The following PROZ variants were observed in gnomAD, a reference collection of about 807,000 sequenced individuals.
PROZ encodes the protein vitamin K-dependent protein Z.
In PROZ, 46 loss-of-function variants were observed where a neutral mutation model predicts 34.9. The ratio of observed to expected loss-of-function variants is 1.32; its 90% CI spans 1.04 to 1.69. PROZ has a LOEUF of 1.69. Ranked by LOEUF, PROZ falls within the 40% of genes most tolerant of loss-of-function variation. The probability of loss-of-function intolerance (pLI) is 0.00; values close to 1 mark genes in which losing one functional copy is unlikely to be tolerated. For synonymous variants in PROZ, 195 were observed against 208.5 expected (o/e 0.94, Z 0.56); for missense variants, 530 against 520.4 (o/e 1.02, Z -0.18).
At chr13:113,165,007 T>C in intron 5 of PROZ, 46 bp from the exon 6 acceptor site, 1 of 1,579,954 alleles carries the variant, frequency 6.3e-7, no homozygotes, top group South Asian at 1.1e-5. Flanking sequence ...CGATATTCGC[T>C]GAGAAGGCGC....
chr13:113,164,879 G>T, intron 5 of PROZ, 174 bp from the exon 6 acceptor site: 2 of 944,222 alleles, frequency 2.1e-6, no homozygotes, highest in South Asian at 2.9e-5. Context: ...GTGAGGGGTG[G>T]TTTAACTCCA....
At chr13:113,165,463 A>G (rs1029588855) in intron 6 of PROZ, among the ~76,000 whole-genome samples, 1 of 152,036 alleles carries the variant, frequency 6.6e-6, no homozygotes, top group Non-Finnish European at 1.5e-5. Context: ...AAATTTCTCT[A>G]GTTTGGCATT....
chr13:113,163,070 G>C lies in PROZ; in HGVS notation c.321G>C (p.Trp107Cys), dbSNP rs1231180296. Residue 107 changes from tryptophan to cysteine, a missense_variant, in exon 4 of 8, where the codon TGG (tryptophan) becomes TGC (cysteine). Trp to Cys is a radical substitution (Grantham distance 215, BLOSUM62 -2). Transcript: ENST00000375547. ...ACGGCTCTTGCCAGGACAGCATCTG[G>C]GGCTACACCTGCACCTGCTCCCCCG... is the stretch of plus-strand genomic sequence containing the variant. The part of the protein sequence containing the change: ...LHNGSCQDSI[W>C]GYTCTCSPGY... 1 of 1,562,974 alleles carries C rather than the reference G, an allele frequency of 6.4e-7. No homozygotes were observed. The highest frequency in any genetic ancestry group is 2.4e-5 in the East Asian group (1 of 41,878).
chr13:113,161,536 G>T (rs1238179693), intron 3 of PROZ, among the ~76,000 whole-genome samples: 1 of 152,180 alleles, frequency 6.6e-6, no homozygotes, highest in African/African-American at 2.4e-5. Context: ...CAAGCACGGG[G>T]ACAACTGGGC....
At chr13:113,166,265 T>C (rs970168432) in intron 6 of PROZ, 2 of 152,248 alleles carry the variant, frequency 1.3e-5, no homozygotes, top group Non-Finnish European at 2.9e-5. Flanking sequence ...TATTTCCCCA[T>C]GTAATGAATA....
At position 113,159,183 on chromosome 13, in the gene PROZ, A is replaced by G. The variant is rs1316563994; in HGVS notation, c.70+453A>G. The G allele has an allele frequency of 6.6e-7, 1 of 1,511,164 alleles. No homozygotes were observed. Among genetic ancestry groups the G allele is most frequent in the African/African-American group, 1.4e-5 (1 of 72,046 alleles). The allele number at this position is 1,511,164 out of a possible 1,614,324, so 93.6% of individuals were successfully genotyped here. A position where few individuals can be genotyped will look rare whatever the true frequency, so the allele number is the denominator to read the frequency against. ...GGAGCAGCCACCCTGCCTGCCTGCC[A>G]CCCTTCTACCACCAGCCACTTCACT... On this transcript the variant is annotated intron_variant, in intron 1 of 7. Coordinates refer to ENST00000375547, the MANE Select transcript of PROZ (RefSeq NM_003891.3). This position sits in a 1 kb window ranked among gnomAD's most constrained non-coding sequence, Gnocchi z 4.6.
At chr13:113,169,057 C>T (rs2037032702) in intron 6 of PROZ, among the ~76,000 whole-genome samples, 1 of 152,122 alleles carries the variant, frequency 6.6e-6, no homozygotes, top group Non-Finnish European at 1.5e-5. Flanking sequence ...TTTCTCTCCT[C>T]CTTCTCCCTG....
intron 5 of PROZ, 81 bp from the exon 6 acceptor site, chr13:113,164,972 A>G (rs2036879746): frequency 7.3e-7 from 1 of 1,365,404 alleles, no homozygotes; most frequent in Non-Finnish European, 1.0e-6. Context: ...GGAATTATGC[A>G]ACGGTTAACA....
In PROZ at chr13:113,171,928, G is replaced by C; in HGVS notation, c.1026G>C (p.Glu342Asp). Residue 342 changes from glutamate to aspartate, a missense_variant, in exon 8 of 8, where the codon GAG (glutamate) becomes GAC (aspartate). By Grantham distance (45) the Glu-to-Asp change is conservative. Coordinates refer to ENST00000375547, the MANE Select transcript of PROZ (RefSeq NM_003891.3). This position sits in a 1 kb window ranked among gnomAD's most constrained non-coding sequence, Gnocchi z 5.1. The stretch of plus-strand genomic sequence containing the variant: ...CTGTCACCACCAGGACCTACTGTGA[G>C]AGAAGCAGCGTGGCGGCCATGCACT... The part of the protein sequence containing the change: ...NVTVTTRTYC[E>D]RSSVAAMHWM... 6.2e-7 allele frequency: 1 copy of C among 1,613,790 alleles called. No homozygotes were observed. Among genetic ancestry groups the C allele is most frequent in the Non-Finnish European group, 8.5e-7 (1 of 1,180,032 alleles).
At chr13:113,170,336 C>G (rs919756213) in intron 6 of PROZ, 77 bp from the exon 7 acceptor site, 4 of 884,926 alleles carry the variant, frequency 4.5e-6, no homozygotes, top group Non-Finnish European at 5.8e-6. Context: ...TGGTCCATAT[C>G]CCTATCCAGT....
In PROZ at chr13:113,171,754, GAA is replaced by G; in HGVS notation, c.854_855del (p.Lys285ArgfsTer4). ...CGGGGCTCCCCGTGTGCACCCCTGA[GAA>G]AGACTTCGCTGAGCACCTCCTCATC... ...GAGLPVCTPE[K>X]DFAEHLLIPR... On this transcript the variant is annotated frameshift_variant, in exon 8 of 8. Transcript: ENST00000375547. LOFTEE classifies it low-confidence loss of function (END_TRUNC). This position sits in a 1 kb window ranked among gnomAD's most constrained non-coding sequence, Gnocchi z 5.1. 1 of 1,612,174 alleles carries G rather than the reference GAA, an allele frequency of 6.2e-7. No individual in the cohort carries two copies. Among genetic ancestry groups the G allele is most frequent in the Non-Finnish European group, 8.5e-7 (1 of 1,178,666 alleles).
At chr13:113,162,938 AC>A in intron 3 of PROZ, 70 bp from the exon 4 acceptor site, 1 of 451,634 alleles carries the variant, frequency 2.2e-6, no homozygotes, top group Non-Finnish European at 3.5e-6. Flanking sequence ...TCCTGTCACC[AC>A]CCCCACCCTC....
intron 6 of PROZ, among the ~76,000 whole-genome samples, chr13:113,167,007 A>T (rs2036956298): frequency 6.6e-6 from 1 of 152,222 alleles, no homozygotes. Context: ...ACATACTATT[A>T]GATTTTTTAC....
chr13:113,166,884 T>A (rs954373221), intron 6 of PROZ, among the ~76,000 whole-genome samples: 1 of 152,100 alleles, frequency 6.6e-6, no homozygotes, highest in South Asian at 2.1e-4. Context: ...GCGGTTCTAG[T>A]CTGCAACCGT....
intron 6 of PROZ, chr13:113,165,987 T>C (rs2036920176): frequency 6.6e-6 from 1 of 152,336 alleles, no homozygotes; most frequent in African/African-American, 2.4e-5. Flanking sequence ...CTTTTCTTGC[T>C]TTCTGTATAT....
intron 4 of PROZ, 82 bp from the exon 5 acceptor site, chr13:113,164,431 C>T (rs1053765306): frequency 1.3e-6 from 2 of 1,501,026 alleles, no homozygotes; most frequent in Admixed American, 1.8e-5. Flanking sequence ...TGAACATGGA[C>T]CAACACACAG....
At chr13:113,164,146 A>AT (rs1406434458) in intron 4 of PROZ, among the ~76,000 whole-genome samples, 49 of 151,750 alleles carry the variant, frequency 3.2e-4, no homozygotes, top group African/African-American at 1.1e-3. Flanking sequence ...CGCCTGGCTA[A>AT]TTTTTGTATT....
chr13:113,172,094 A>C lies in PROZ; in HGVS notation c.1192A>C (p.Ile398Leu), dbSNP rs1566933262. The change falls in exon 8 of 8, where the codon ATC becomes CTC. Residue 398 changes from isoleucine (I) to leucine (L), a missense_variant. Physicochemically the swap from Ile to Leu is conservative, Grantham distance 5 (BLOSUM62 2). Coordinates refer to ENST00000375547, the MANE Select transcript of PROZ (RefSeq NM_003891.3). ...VSRYSLWFKQ[I>L]MN ...CAGGTACTCACTCTGGTTTAAACAG[A>C]TCATGAACTAACTGAAACTCAGCTA... The C allele has an allele frequency of 6.2e-7, 1 of 1,612,742 alleles. No individual in the cohort carries two copies. The highest frequency in any genetic ancestry group is 1.7e-5 in the Admixed American group (1 of 59,988).
At chr13:113,169,628 C>T (rs552825655) in intron 6 of PROZ, among the ~76,000 whole-genome samples, 3 of 152,314 alleles carry the variant, frequency 2.0e-5, no homozygotes, top group African/African-American at 4.8e-5. Context: ...ACCAGGGCAG[C>T]GCTCAAGTCT....
Sources: gnomAD v4.1 joint callset for allele counts (sites outside exome capture counted in the v4.1 genomes callset) on GRCh38, gnomAD v4.1.1 for gene constraint, Gnocchi (gnomAD v3.1) non-coding constraint, MANE v1.5 for transcripts, NCBI Gene and HGNC (gene_info 2026-07-23, HGNC 2026-07-21) for gene names.